SGCD: variants seen among roughly 807,000 people sequenced by gnomAD.
The protein encoded by SGCD is delta-sarcoglycan.
A neutral mutation model predicts 36.6 loss-of-function variants in SGCD; 18 were observed. The ratio of observed to expected loss-of-function variants is 0.49; its 90% CI spans 0.34 to 0.73. The LOEUF is 0.73. Among genes scored for constraint, SGCD ranks in the 30% least tolerant of loss-of-function variants. The pLI is 0.01. For missense variants in SGCD, 387 were observed against 346.7 expected (o/e 1.12, Z -0.92); for synonymous variants, 133 against 130.6 (o/e 1.02, Z -0.12).
the SGCD span, among the ~76,000 whole-genome samples, chr5:155,827,429 C>A: frequency 6.6e-6 from 1 of 152,086 alleles, no homozygotes. Context: ...GCCTCATGTT[C>A]CAGTGTGGCT....
At chr5:155,989,449 C>T (rs1053912826) in intron 1 of SGCD, among the ~76,000 whole-genome samples, 3 of 152,036 alleles carry the variant, frequency 2.0e-5, no homozygotes, top group African/African-American at 7.2e-5. Context: ...GCTTTTGGGC[C>T]ATTGTTTGCC....
chr5:156,454,782 G>C (rs1285127218), intron 3 of SGCD, among the ~76,000 whole-genome samples: 1 of 152,142 alleles, frequency 6.6e-6, no homozygotes, highest in Non-Finnish European at 1.5e-5. Context: ...GAGGTCAGGA[G>C]TGCTGGAGCT....
chr5:156,585,853 C>A (rs1017326988), intron 4 of SGCD, among the ~76,000 whole-genome samples: 1 of 151,966 alleles, frequency 6.6e-6, no homozygotes, highest in Non-Finnish European at 1.5e-5. Context: ...ATACAGCTTT[C>A]AATTATATAA....
intron 4 of SGCD, among the ~76,000 whole-genome samples, chr5:156,532,966 A>G (rs1446635244): frequency 6.6e-6 from 1 of 152,236 alleles, no homozygotes; most frequent in Non-Finnish European, 1.5e-5. Flanking sequence ...CAGAAAGAAC[A>G]TACATCTAAT....
chr5:156,324,334 C>G (rs771641552), upstream of SGCD, among the ~76,000 whole-genome samples: 1 of 151,998 alleles, frequency 6.6e-6, no homozygotes, highest in African/African-American at 2.4e-5. Flanking sequence ...TAACATGTAC[C>G]TGTAATAAAT....
intron 6 of SGCD, among the ~76,000 whole-genome samples, chr5:156,601,323 G>A (rs959216946): frequency 2.0e-5 from 3 of 152,170 alleles, no homozygotes; most frequent in Admixed American, 6.5e-5. Flanking sequence ...TATAGTGAGA[G>A]GTAGAGGTCT....
chr5:155,933,362 A>G (rs1189569061), intron 1 of SGCD, among the ~76,000 whole-genome samples: 5 of 152,172 alleles, frequency 3.3e-5, no homozygotes, highest in Non-Finnish European at 5.9e-5. Flanking sequence ...TGTACTTATC[A>G]GAAACTGCAA....
At chr5:156,219,614 A>G (rs1764668766) in intron 3 of SGCD, among the ~76,000 whole-genome samples, 1 of 152,170 alleles carries the variant, frequency 6.6e-6, no homozygotes, top group African/African-American at 2.4e-5. Context: ...TTCATTGAGA[A>G]GTGGCTGTAA....
rs909135831 is a variant in SGCD, at chr5:155,970,019, T to TAC, written c.-282+99609_-282+99610dup. Among the ~76,000 whole-genome samples, 43 of 151,098 alleles carry TAC rather than the reference T, an allele frequency of 2.8e-4. No homozygotes were observed. The South Asian group carries it at 3.6e-3, about 12-fold the overall frequency. On this transcript the variant is annotated intron_variant, in intron 1 of 9. Coordinates refer to the SGCD transcript ENST00000517913. ...GTAAGCCTTTAGTCAACAGGACACA[T>TAC]ACACACACACACACAACCTAACGAT...
chr5:155,825,728 GTTTTT>G, the SGCD span, among the ~76,000 whole-genome samples: 17 of 147,008 alleles, frequency 1.2e-4, no homozygotes, highest in East Asian at 2.2e-3. Context: ...TTTATTATTT[GTTTTT>G]TTTTTTTTGT....
At chr5:156,434,031 A>C (rs1188132397) in intron 3 of SGCD, among the ~76,000 whole-genome samples, 2 of 152,180 alleles carry the variant, frequency 1.3e-5, no homozygotes, top group Admixed American at 6.5e-5. Flanking sequence ...AACCAATCCC[A>C]GTTACCAGGA....
the SGCD span, among the ~76,000 whole-genome samples, chr5:155,775,729 A>G: frequency 6.6e-6 from 1 of 150,584 alleles, no homozygotes; most frequent in East Asian, 1.9e-4. Flanking sequence ...TTATGCAGGC[A>G]TTCACTAAAC....
intron 3 of SGCD, among the ~76,000 whole-genome samples, chr5:156,257,206 G>A (rs1252199375): frequency 6.6e-6 from 1 of 151,850 alleles, no homozygotes; most frequent in Non-Finnish European, 1.5e-5. Context: ...CAGGCGCAGT[G>A]GCTCACGCCT....
intron 3 of SGCD, among the ~76,000 whole-genome samples, chr5:156,168,371 CAA>C (rs76065330): frequency 3.6e-4 from 52 of 145,326 alleles, no homozygotes; most frequent in Non-Finnish European, 4.6e-4. Context: ...CCTATCTCTA[CAA>C]AAAAAAAAAA....
chr5:156,078,524 T>A (rs867478481), intron 1 of SGCD, among the ~76,000 whole-genome samples: 5,236 of 133,570 alleles, frequency 0.039, 370 homozygotes, highest in African/African-American at 0.15. Context: ...AAAAAAAATA[T>A]ATATATATAT....
At chr5:156,071,381 G>A (rs1397584311) in intron 1 of SGCD, among the ~76,000 whole-genome samples, 3 of 152,020 alleles carry the variant, frequency 2.0e-5, no homozygotes, top group African/African-American at 4.8e-5. Context: ...CCTTCATTTC[G>A]TGATGTACCC....
At chr5:155,946,296 CATATT>C (rs1757436271) in intron 1 of SGCD, among the ~76,000 whole-genome samples, 2 of 152,070 alleles carry the variant, frequency 1.3e-5, no homozygotes, top group Non-Finnish European at 2.9e-5. Flanking sequence ...ACATTTTTCT[CATATT>C]ATAGTTGAGG....
At chr5:156,024,850 C>T (rs935663178) in intron 1 of SGCD, among the ~76,000 whole-genome samples, 3 of 150,972 alleles carry the variant, frequency 2.0e-5, no homozygotes, top group East Asian at 2.0e-4. Context: ...CTCAGCTACT[C>T]GGGAGGCTGA....
intron 4 of SGCD, among the ~76,000 whole-genome samples, chr5:156,566,647 G>C (rs1759490142): frequency 6.6e-6 from 1 of 151,984 alleles, no homozygotes; most frequent in Non-Finnish European, 1.5e-5. Context: ...TAATCTAAAA[G>C]AGAAATATAA....
Sources: gnomAD v4.1 joint callset for allele counts (sites outside exome capture counted in the v4.1 genomes callset) on GRCh38, gnomAD v4.1.1 for gene constraint, MANE v1.5 for transcripts, NCBI Gene and HGNC (gene_info 2026-07-23, HGNC 2026-07-21) for gene names.